Variants in FBXL18 observed in about 807,000 individuals in gnomAD.
FBXL18 encodes the protein F-box/LRR-repeat protein 18.
In FBXL18, 36 loss-of-function variants were observed where a neutral mutation model predicts 46.0. That is an observed-to-expected ratio of 0.78 (90% CI 0.60 to 1.03). FBXL18 has a LOEUF of 1.03. Among genes scored for constraint, FBXL18 ranks in the 50% least tolerant of loss-of-function variants. The probability of loss-of-function intolerance (pLI) is 0.00; values close to 1 mark genes in which losing one functional copy is unlikely to be tolerated. For missense variants in FBXL18, 977 were observed against 1,004.1 expected, an observed-to-expected ratio of 0.97 and a Z score of 0.36; for synonymous variants, 557 against 465.3, an observed-to-expected ratio of 1.20 and a Z score of -2.54.
intron 4 of FBXL18, among the ~76,000 whole-genome samples, chr7:5,483,430 G>C (rs1182498427): frequency 1.6e-5 from 2 of 128,416 alleles, no homozygotes; most frequent in Non-Finnish European, 3.3e-5. Context: ...AACAGAGCGA[G>C]ACTCCATCTC....
chr7:5,470,669 C>T (rs1184690054), intron 4 of FBXL18, among the ~76,000 whole-genome samples: 1 of 151,686 alleles, frequency 6.6e-6, no homozygotes, highest in Admixed American at 6.6e-5. Context: ...TTCTCCGACC[C>T]CCGGCCCAGA....
intron 4 of FBXL18, among the ~76,000 whole-genome samples, chr7:5,467,228 G>A (rs1783354949): frequency 6.6e-6 from 1 of 152,168 alleles, no homozygotes. Flanking sequence ...GCGAGCGCCT[G>A]TAGTCCCAGC....
chr7:5,472,118 A>C (rs934366677), downstream of FBXL18, among the ~76,000 whole-genome samples: 1 of 152,156 alleles, frequency 6.6e-6, no homozygotes, highest in Non-Finnish European at 1.5e-5. Flanking sequence ...GCATCAGCTC[A>C]GGAGGTGTGT....
chr7:5,510,237 A>C (rs1784495170), intron 1 of FBXL18, among the ~76,000 whole-genome samples: 1 of 140,386 alleles, frequency 7.1e-6, no homozygotes, highest in African/African-American at 2.6e-5. Flanking sequence ...GAGGAGGTGG[A>C]GGTTGCAGTG....
intron 4 of FBXL18, 42 bp downstream of exon 4, chr7:5,491,189 T>C (rs769534854): frequency 1.9e-6 from 3 of 1,549,144 alleles, no homozygotes. Flanking sequence ...ATGCTGGTGA[T>C]TTCTGCGGCC....
At chr7:5,462,975 T>A (rs1255741471) in intron 4 of FBXL18, among the ~76,000 whole-genome samples, 1,552 of 23,012 alleles carry the variant, frequency 0.067, 62 homozygotes, top group Middle Eastern at 0.12. Flanking sequence ...AAAAAATATA[T>A]ATATATATAT....
intron 4 of FBXL18, among the ~76,000 whole-genome samples, chr7:5,488,008 G>A (rs1001457773): frequency 2.0e-5 from 3 of 152,266 alleles, no homozygotes; most frequent in Admixed American, 6.5e-5. Context: ...TGTAACCAGC[G>A]CCCTCTGGGG....
At position 5,500,948 on chromosome 7, in the gene FBXL18, T is replaced by G; in HGVS notation, c.1321A>C (p.Met441Leu). 6.5e-7 allele frequency: 1 copy of G among 1,544,058 alleles called. No homozygotes were observed. The highest frequency in any genetic ancestry group is 8.7e-7 in the Non-Finnish European group (1 of 1,149,336). Residue 441 changes from methionine (M) to leucine (L), a missense_variant, in exon 3 of 5, where the codon ATG (methionine) becomes CTG (leucine). Physicochemically the swap from Met to Leu is conservative, Grantham distance 15. Transcript: ENST00000382368. ...RADRAPAQPA[M>L]HAVPRGFGKK... ...CCAAAGCCGCGCGGCACTGCGTGCA[T>G]GGCCGGCTGGGCGGGCGCGCGGTCG...
rs1783165504 is a variant in FBXL18, at chr7:5,455,853, C to G, written c.2001-8010G>C. Among the ~76,000 whole-genome samples the G allele has an allele frequency of 6.6e-6, 1 of 152,064 alleles. No homozygotes were observed. The highest frequency in any genetic ancestry group is 1.5e-5 in the Non-Finnish European group (1 of 68,014). Reference sequence around the variant, plus strand: ...GATCACACTCTTCTCCATATGACCCCAGCCAATGAGCGGGCGAGACCTGGC... The same window carrying G: ...GATCACACTCTTCTCCATATGACCCGAGCCAATGAGCGGGCGAGACCTGGC... On this transcript the variant is annotated intron_variant and NMD_transcript_variant, in intron 4 of 6. Coordinates refer to the FBXL18 transcript ENST00000415009. This position sits in a 1 kb window ranked among gnomAD's most constrained non-coding sequence, Gnocchi z 4.6.
In FBXL18 at chr7:5,505,557, A is replaced by G; in HGVS notation, c.92T>C (p.Phe31Ser). The change falls in exon 2 of 5, where the codon TTC becomes TCC. Residue 31 changes from phenylalanine to serine, a missense_variant. Coordinates refer to ENST00000382368, the MANE Select transcript of FBXL18 (RefSeq NM_024963.6). ...GATGTGAAGGAGGATCTCATCAGAGAACCCTAGGAGGTGGACCCCGTCTGC... is the reference window on the plus strand; with the variant it reads ...GATGTGAAGGAGGATCTCATCAGAGGACCCTAGGAGGTGGACCCCGTCTGC... Reference protein sequence around the residue: ...GMADGVHLLGFSDEILLHILS... With the variant: ...GMADGVHLLGSSDEILLHILS... The G allele has an allele frequency of 6.2e-7, 1 of 1,613,990 alleles. No homozygotes were observed. Among genetic ancestry groups the G allele is most frequent in the Non-Finnish European group, 8.5e-7 (1 of 1,179,956 alleles).
chr7:5,493,313 TG>T (rs1451622395), intron 3 of FBXL18, among the ~76,000 whole-genome samples: 4 of 152,168 alleles, frequency 2.6e-5, no homozygotes, highest in African/African-American at 9.6e-5. Flanking sequence ...CCAAGCTGGA[TG>T]ACAGAGCAAG....
chr7:5,462,867 T>C (rs1334279658), intron 4 of FBXL18, among the ~76,000 whole-genome samples: 3 of 144,496 alleles, frequency 2.1e-5, no homozygotes, highest in Admixed American at 7.1e-5. Flanking sequence ...AGGAGAATGG[T>C]GTGAACCCAG....
At position 5,499,745 on chromosome 7, in the gene FBXL18, GA is replaced by G. The variant is rs1205205121; in HGVS notation, c.1781+742del. 4.5e-3 allele frequency among the ~76,000 whole-genome samples: 516 copies of G among 115,760 alleles called. 7 individuals are homozygous for G. Among genetic ancestry groups the G allele is most frequent in the African/African-American group, 0.015 (447 of 30,478 alleles). 75.9% of individuals were successfully genotyped at this position (115,760 alleles called of 152,430 possible). On this transcript the variant is annotated intron_variant, in intron 3 of 4. Transcript: ENST00000382368. ...AGACTCTGTCTCAAAAAAAAAAAAA[GA>G]AAAAAAAAAAAAAAGCAAAGATGGA...
chr7:5,490,036 GA>G (rs1562690968), intron 4 of FBXL18: 3 of 1,332,190 alleles, frequency 2.3e-6, no homozygotes, highest in East Asian at 4.9e-5. Context: ...CAGAGAGGGG[GA>G]AACCCCAACC....
At chr7:5,459,869 C>T (rs1356557092) in intron 4 of FBXL18, among the ~76,000 whole-genome samples, 8 of 151,946 alleles carry the variant, frequency 5.3e-5, no homozygotes, top group Admixed American at 6.6e-5. Flanking sequence ...GCTGAGATCA[C>T]GCTGTCGTAC....
Position 5,481,439 on chromosome 7 carries a change from C to A in FBXL18, c.*336G>T. On this transcript the variant is annotated 3_prime_UTR_variant, in exon 5 of 5. Coordinates refer to ENST00000382368, the MANE Select transcript of FBXL18 (RefSeq NM_024963.6). ...TCGGAAGTGGCAGGGGGTTCGGGCC[C>A]TCCAGGCCCGTGGACAGGGCCCCCA... 4.4e-6 allele frequency: 1 copy of A among 228,970 alleles called. No individual in the cohort carries two copies. The allele number at this position is 228,970 out of a possible 1,614,324, so 14.2% of individuals were successfully genotyped here.
intron 4 of FBXL18, among the ~76,000 whole-genome samples, chr7:5,454,952 G>A (rs1007412606): frequency 1.3e-5 from 2 of 152,208 alleles, no homozygotes; most frequent in Non-Finnish European, 2.9e-5. Flanking sequence ...GGTAGAGTTT[G>A]CTTACCAATG....
Position 5,491,301 on chromosome 7 carries a change from C to G in FBXL18, c.1930G>C (p.Val644Leu), listed in dbSNP as rs1461937789. 2.5e-6 allele frequency: 4 copies of G among 1,612,630 alleles called. No individual in the cohort carries two copies. The highest frequency in any genetic ancestry group is 2.5e-6 in the Non-Finnish European group (3 of 1,179,818). ...TCCCCGGTGAACAGGTGGCACATGA[C>G]AACCTGCAGGCAGCGAGCCATGAAG... is the stretch of plus-strand genomic sequence containing the variant. ...LAFMARCLQV[V>L]MCHLFTGESL... Residue 644 changes from valine to leucine, a missense_variant, in exon 4 of 5, where the codon GTC becomes CTC. Physicochemically the swap from Val to Leu is conservative, Grantham distance 32 (BLOSUM62 1). Transcript: ENST00000382368.
chr7:5,501,885 G>A lies in FBXL18; in HGVS notation c.384C>T (p.Gly128=). Reference sequence around the variant, plus strand: ...AGAGGCGCAGGGAAGTGAGGTGGCAGCCCGAGAGGTTCACCTTCACCAGGC... The same window carrying A: ...AGAGGCGCAGGGAAGTGAGGTGGCAACCCGAGAGGTTCACCTTCACCAGGC... ...CRSLVKVNLS[G]CHLTSLRLSK... Residue 128 remains glycine, a synonymous_variant, in exon 3 of 5, where the codon GGC becomes GGT. Coordinates refer to ENST00000382368, the MANE Select transcript of FBXL18 (RefSeq NM_024963.6). The A allele has an allele frequency of 1.2e-6, 2 of 1,602,654 alleles. No individual in the cohort carries two copies. The highest frequency in any genetic ancestry group is 1.7e-6 in the Non-Finnish European group (2 of 1,175,794).
Sources: allele counts gnomAD v4.1 joint callset (sites outside exome capture counted in the v4.1 genomes callset), GRCh38; gene constraint gnomAD v4.1.1; non-coding constraint Gnocchi (gnomAD v3.1); transcripts MANE v1.5; gene names NCBI Gene and HGNC (gene_info 2026-07-23, HGNC 2026-07-21).